Variants in LRRC4B observed in about 807,000 individuals in gnomAD.
LRRC4B encodes the protein leucine-rich repeat-containing protein 4B.
A neutral mutation model predicts 7.3 loss-of-function variants in LRRC4B; 1 was observed. The ratio of observed to expected loss-of-function variants is 0.14; its 90% confidence interval spans 0.05 to 0.65. The LOEUF (loss-of-function observed/expected upper bound fraction) is 0.65, where lower values mean the gene tolerates loss of function less well. Ranked by LOEUF, LRRC4B falls within the 30% of genes least tolerant of loss-of-function variation. The pLI is 0.84. For missense variants in LRRC4B, 730 were observed against 1,041.6 expected (o/e 0.70, Z 4.12); for synonymous variants, 500 against 499.2 (o/e 1.00, Z -0.02).
chr19:50,551,683 C>T (rs1168283726), intron 1 of LRRC4B, among the ~76,000 whole-genome samples: 1 of 150,190 alleles, frequency 6.7e-6, no homozygotes, highest in Non-Finnish European at 1.5e-5. Flanking sequence ...TCTATTCCTC[C>T]CTCTTGCTCT....
chr19:50,535,036 T>C (rs904775538), intron 2 of LRRC4B, among the ~76,000 whole-genome samples: 2 of 151,490 alleles, frequency 1.3e-5, no homozygotes, highest in Non-Finnish European at 2.9e-5. Context: ...ACCCAGCTAA[T>C]TGTTTGTATT....
intron 2 of LRRC4B, among the ~76,000 whole-genome samples, chr19:50,541,710 T>G (rs1487128939): frequency 6.6e-6 from 1 of 152,226 alleles, no homozygotes; most frequent in African/African-American, 2.4e-5. Flanking sequence ...CTAAAAGCCT[T>G]GGGTGGATTC....
chr19:50,556,311 AG>A lies in LRRC4B; in HGVS notation c.-35-7439del, dbSNP rs774186040. ...GGGGGTGAGGTGGTGACTTGCTTGG[AG>A]GGGGGCTGTCCTTTCCCGTGCAGCC... On this transcript the variant is annotated intron_variant, in intron 1 of 2. Transcript: ENST00000652263. This position sits in a 1 kb window ranked among gnomAD's most constrained non-coding sequence, Gnocchi z 4.2. 4.7e-5 allele frequency among the ~76,000 whole-genome samples: 7 copies of A among 150,522 alleles called. No individual in the cohort carries two copies. The highest frequency in any genetic ancestry group is 7.4e-5 in the African/African-American group (3 of 40,778).
chr19:50,527,902 C>T (rs1482945363), intron 2 of LRRC4B, among the ~76,000 whole-genome samples: 4 of 150,994 alleles, frequency 2.6e-5, no homozygotes, highest in African/African-American at 7.3e-5. Context: ...CCACCACACC[C>T]GGCTAATTTT....
Position 50,529,944 on chromosome 19 carries a change from C to T in LRRC4B, c.298-10529G>A, listed in dbSNP as rs533699721. 3.3e-5 allele frequency among the ~76,000 whole-genome samples: 5 copies of T among 151,998 alleles called. No individual in the cohort carries two copies. In the South Asian group the frequency reaches 1.0e-3, roughly 32 times the overall value. ...TCCCAGCAAACACTCTGTGCCCCAC[C>T]CTCCCCTCCCTCCCTTCAGGGTCCC... On this transcript the variant is annotated intron_variant, in intron 2 of 2. Coordinates refer to ENST00000652263, the MANE Select transcript of LRRC4B (RefSeq NM_001080457.2).
In LRRC4B at chr19:50,536,832, G is replaced by T. The variant is rs138362754; in HGVS notation, c.297+11710C>A. On this transcript the variant is annotated intron_variant, in intron 2 of 2. Coordinates refer to ENST00000652263, the MANE Select transcript of LRRC4B (RefSeq NM_001080457.2). ...GGGTGGGAAGGAAGGGGCTGGGGTA[G>T]CTTCTGGTGCCCAGTAGAGGGTGCC... Among the ~76,000 whole-genome samples, 53 of 152,318 alleles carry T rather than the reference G, an allele frequency of 3.5e-4. No individual in the cohort carries two copies. The East Asian group carries it at 9.6e-3, about 28-fold the overall frequency.
At chr19:50,525,406 C>CTT (rs34552136) in intron 2 of LRRC4B, among the ~76,000 whole-genome samples, 29 of 135,996 alleles carry the variant, frequency 2.1e-4, no homozygotes, top group East Asian at 4.3e-4. Flanking sequence ...AAGAACCGTA[C>CTT]TTTTTTTTTT....
At chr19:50,566,654 G>A (rs1203940075) in intron 1 of LRRC4B, among the ~76,000 whole-genome samples, 1 of 151,802 alleles carries the variant, frequency 6.6e-6, no homozygotes, top group African/African-American at 2.4e-5. Flanking sequence ...GCCCCTGGCA[G>A]GACAGGACCC....
At chr19:50,527,052 A>C (rs918170906) in intron 2 of LRRC4B, among the ~76,000 whole-genome samples, 1 of 126,664 alleles carries the variant, frequency 7.9e-6, no homozygotes, top group African/African-American at 3.0e-5. Context: ...TTTTTTTTTG[A>C]GACAGAGTCT....
At chr19:50,542,370 C>T (rs966713575) in intron 2 of LRRC4B, among the ~76,000 whole-genome samples, 1 of 152,208 alleles carries the variant, frequency 6.6e-6, no homozygotes. Flanking sequence ...GTCTCCTGGC[C>T]TCTGCCTTAA....
At chr19:50,535,092 T>G (rs1039958880) in intron 2 of LRRC4B, among the ~76,000 whole-genome samples, 1 of 152,134 alleles carries the variant, frequency 6.6e-6, no homozygotes, top group Admixed American at 6.6e-5. Flanking sequence ...ATGGTCTCGA[T>G]CTCCTGACCT....
At chr19:50,547,980 G>A (rs77898552) in intron 2 of LRRC4B, among the ~76,000 whole-genome samples, 355 of 152,066 alleles carry the variant, frequency 2.3e-3, no homozygotes, top group Non-Finnish European at 4.0e-3. Flanking sequence ...TGCACTGCCC[G>A]GCAAATGACC....
Position 50,518,090 on chromosome 19 carries a change from G to A in LRRC4B, c.1623C>T (p.Pro541=), listed in dbSNP as rs1188942692. The change falls in exon 3 of 3, where the codon CCC becomes CCT. Residue 541 remains proline, a synonymous_variant. Coordinates refer to ENST00000652263, the MANE Select transcript of LRRC4B (RefSeq NM_001080457.2). ...CCGTGGGCCGCGAGGAGCGCGGGGCGGGTGCCGTGGTAGAAGACGAGGCAG... is the reference window on the plus strand; with the variant it reads ...CCGTGGGCCGCGAGGAGCGCGGGGCAGGTGCCGTGGTAGAAGACGAGGCAG... ...AGPASSSTTA[P]APRSSRPTEK... is the part of the protein sequence containing the mutation. 3.1e-6 allele frequency: 5 copies of A among 1,596,152 alleles called. No individual in the cohort carries two copies. The highest frequency in any genetic ancestry group is 4.3e-6 in the Non-Finnish European group (5 of 1,174,210).
chr19:50,568,366 G>GGCCCCC lies in LRRC4B; in HGVS notation c.-464_-459dup, dbSNP rs999613223. Among the ~76,000 whole-genome samples the GGCCCCC allele has an allele frequency of 1.9e-4, 5 of 25,772 alleles. No individual in the cohort carries two copies. Among genetic ancestry groups the GGCCCCC allele is most frequent in the Non-Finnish European group, 3.7e-4 (5 of 13,386 alleles). 16.9% of individuals were successfully genotyped at this position (25,772 alleles called of 152,430 possible). Reference sequence around the variant, plus strand: ...CCCCCCAGGCCCCGGCCCCGGCCCCGGCCCCCGCCTCGGACGGTGCGGCAG... The same window carrying GGCCCCC: ...CCCCCCAGGCCCCGGCCCCGGCCCCGGCCCCCGCCCCCGCCTCGGACGGTGCGGCAG... On this transcript the variant is annotated 5_prime_UTR_variant, in exon 1 of 3. Coordinates refer to ENST00000652263, the MANE Select transcript of LRRC4B (RefSeq NM_001080457.2).
intron 2 of LRRC4B, among the ~76,000 whole-genome samples, chr19:50,541,793 G>A (rs368214025): frequency 1.3e-5 from 2 of 152,170 alleles, no homozygotes; most frequent in African/African-American, 4.8e-5. Context: ...ATATTCCACA[G>A]AAATGATCAT....
chr19:50,543,241 G>A (rs1329682996), intron 2 of LRRC4B, among the ~76,000 whole-genome samples: 1 of 152,162 alleles, frequency 6.6e-6, no homozygotes, highest in Admixed American at 6.5e-5. Flanking sequence ...AGCGCGGCGG[G>A]GGACAGATGA....
At chr19:50,538,104 G>A (rs1380246753) in intron 2 of LRRC4B, among the ~76,000 whole-genome samples, 1 of 149,488 alleles carries the variant, frequency 6.7e-6, no homozygotes, top group African/African-American at 2.5e-5. Flanking sequence ...CTGTTGCCCA[G>A]GCTGGAGTGC....
intron 2 of LRRC4B, among the ~76,000 whole-genome samples, chr19:50,547,270 G>A (rs928918003): frequency 2.6e-5 from 4 of 152,142 alleles, no homozygotes; most frequent in Admixed American, 2.0e-4. Context: ...CGCCCCTGAC[G>A]TTTCTGGACC....
chr19:50,542,643 A>C (rs954722923), intron 2 of LRRC4B, among the ~76,000 whole-genome samples: 1 of 151,678 alleles, frequency 6.6e-6, no homozygotes, highest in Non-Finnish European at 1.5e-5. Context: ...TGCCTGGCTA[A>C]TTTTGGTATT....
Sources: allele counts gnomAD v4.1 joint callset (sites outside exome capture counted in the v4.1 genomes callset), GRCh38; gene constraint gnomAD v4.1.1; non-coding constraint Gnocchi (gnomAD v3.1); transcripts MANE v1.5; gene names NCBI Gene and HGNC (gene_info 2026-07-23, HGNC 2026-07-21).